Variants in CYP19A1 observed in about 807,000 individuals in gnomAD.
The protein encoded by CYP19A1 is aromatase.
CYP19A1 carries 32 observed loss-of-function variants against 44.4 expected under a neutral mutation model. That is an observed-to-expected ratio of 0.72 (90% CI 0.54 to 0.97). CYP19A1 has a LOEUF of 0.97. Ranked by LOEUF, CYP19A1 falls within the 50% of genes least tolerant of loss-of-function variation. The pLI is 0.00. For synonymous variants in CYP19A1, 212 were observed against 215.6 expected (o/e 0.98, Z 0.14); for missense variants, 598 against 637.8 (o/e 0.94, Z 0.67).
Position 51,215,106 on chromosome 15 carries a change from C to A in CYP19A1, c.985G>T (p.Glu329Ter). 1 of 1,613,960 alleles carries A rather than the reference C, an allele frequency of 6.2e-7. No homozygotes were observed. The highest frequency in any genetic ancestry group is 8.5e-7 in the Non-Finnish European group (1 of 1,179,958). The change falls in exon 8 of 10, where the codon GAA (glutamate) becomes TAA (stop). Residue 329 changes from glutamate to a stop codon, truncating the protein, a stop_gained. Transcript: ENST00000396402. LOFTEE classifies it high-confidence loss of function. ...LFLIAKHPNV[E>*]EAIIKEIQTV... ...TGGATTTCCTTTATTATTGCCTCTT[C>A]AACATTAGGGTGCTTTGCAATGAGA...
Position 51,280,273 on chromosome 15 carries a change from AT to A in CYP19A1, c.-38-37324del, listed in dbSNP as rs367881959. ...ACCATGCCCGGCTAATTTTTTTTGTATTTTTTAGTAGAGACGGGGTTTCACA... is the reference window on the plus strand; with the variant it reads ...ACCATGCCCGGCTAATTTTTTTTGTATTTTTAGTAGAGACGGGGTTTCACA... On this transcript the variant is annotated intron_variant, in intron 1 of 9. Coordinates refer to ENST00000396402, the MANE Select transcript of CYP19A1 (RefSeq NM_000103.4). 1.1e-3 allele frequency among the ~76,000 whole-genome samples: 164 copies of A among 151,224 alleles called. 1 individual carries two copies. Among genetic ancestry groups the A allele is most frequent in the Admixed American group, 3.3e-3 (50 of 15,204 alleles).
At chr15:51,290,920 T>C (rs1183295582) in intron 1 of CYP19A1, among the ~76,000 whole-genome samples, 1 of 152,192 alleles carries the variant, frequency 6.6e-6, no homozygotes, top group East Asian at 1.9e-4. Flanking sequence ...CAGAGCCCAA[T>C]GCCCAAGTAC....
At chr15:51,232,388 A>T (rs1398856637) in intron 3 of CYP19A1, among the ~76,000 whole-genome samples, 1 of 151,360 alleles carries the variant, frequency 6.6e-6, no homozygotes, top group African/African-American at 2.4e-5. Context: ...CAGACATTAC[A>T]CTTTCCTGGT....
intron 1 of CYP19A1, among the ~76,000 whole-genome samples, chr15:51,284,796 A>T (rs1281964424): frequency 6.6e-6 from 1 of 152,240 alleles, no homozygotes; most frequent in Admixed American, 6.5e-5. Flanking sequence ...GGGAAAAAGG[A>T]AAGATAATTA....
chr15:51,232,294 T>A (rs1200555145), intron 3 of CYP19A1, among the ~76,000 whole-genome samples: 18 of 152,210 alleles, frequency 1.2e-4, no homozygotes, highest in Admixed American at 1.2e-3. Flanking sequence ...TACTGAAATC[T>A]CCATGCATTC....
intron 1 of CYP19A1, among the ~76,000 whole-genome samples, chr15:51,325,335 TG>T (rs933851709): frequency 2.6e-5 from 4 of 152,122 alleles, no homozygotes; most frequent in Non-Finnish European, 5.9e-5. Context: ...CTGAGGAGTC[TG>T]GGAAGAAAGA....
intron 1 of CYP19A1, among the ~76,000 whole-genome samples, chr15:51,328,895 G>C (rs1177404085): frequency 2.0e-5 from 3 of 152,192 alleles, no homozygotes; most frequent in East Asian, 3.9e-4. Context: ...GCTGCTGCCT[G>C]ACTGGCTTCA....
intron 3 of CYP19A1, among the ~76,000 whole-genome samples, chr15:51,233,386 A>C (rs560353220): frequency 2.0e-5 from 3 of 152,312 alleles, no homozygotes; most frequent in East Asian, 3.9e-4. Context: ...TTGTTGACCT[A>C]GTGACGACAT....
chr15:51,244,804 G>C lies in CYP19A1; in HGVS notation c.-38-1854C>G, dbSNP rs200899797. On this transcript the variant is annotated intron_variant, in intron 1 of 9. Transcript: ENST00000396402. Reference sequence around the variant, plus strand: ...GGTATTTCACAACACTGAAAGCAAAGAGATAAGATGTTGCAAGCTGATGCA... The same window carrying C: ...GGTATTTCACAACACTGAAAGCAAACAGATAAGATGTTGCAAGCTGATGCA... 1.3e-4 allele frequency among the ~76,000 whole-genome samples: 20 copies of C among 152,268 alleles called. No homozygotes were observed. The East Asian group carries it at 3.9e-3, about 29-fold the overall frequency.
chr15:51,302,471 A>G (rs1178981294), intron 1 of CYP19A1, among the ~76,000 whole-genome samples: 1 of 152,226 alleles, frequency 6.6e-6, no homozygotes, highest in African/African-American at 2.4e-5. Context: ...CTCAACTTTT[A>G]GCTAATTCAA....
At chr15:51,232,475 G>A (rs1173278870) in intron 3 of CYP19A1, among the ~76,000 whole-genome samples, 6 of 152,022 alleles carry the variant, frequency 3.9e-5, no homozygotes. Context: ...GGGTCTCAAG[G>A]TTCAGTTCTC....
chr15:51,294,888 A>AG lies in CYP19A1; in HGVS notation c.-39+43606dup, dbSNP rs1370718303. Among the ~76,000 whole-genome samples the AG allele has an allele frequency of 2.0e-5, 3 of 152,128 alleles. No homozygotes were observed. In the East Asian group the frequency reaches 5.8e-4, roughly 29 times the overall value. ...GTTTTGTGGAATAGAAAAGGGGGAA[A>AG]GGTGGGGAAAAGATTGAGAAATAGG... is the stretch of plus-strand genomic sequence containing the variant. On this transcript the variant is annotated intron_variant, in intron 1 of 9. Coordinates refer to ENST00000396402, the MANE Select transcript of CYP19A1 (RefSeq NM_000103.4).
At chr15:51,262,969 C>A (rs1233283997) in intron 1 of CYP19A1, among the ~76,000 whole-genome samples, 1 of 152,084 alleles carries the variant, frequency 6.6e-6, no homozygotes, top group South Asian at 2.1e-4. Context: ...AATTTCAGTT[C>A]TGTAATGGAA....
chr15:51,335,873 C>T (rs1159974751), intron 1 of CYP19A1, among the ~76,000 whole-genome samples: 2 of 152,214 alleles, frequency 1.3e-5, no homozygotes, highest in African/African-American at 4.8e-5. Context: ...TGGTTACAGC[C>T]TCATTTCACT....
At position 51,227,855 on chromosome 15, in the gene CYP19A1, G is replaced by A. The variant is rs1160189009; in HGVS notation, c.375C>T (p.Ile125=). The change falls in exon 4 of 10, where the codon ATC becomes ATT. Residue 125 remains isoleucine, a synonymous_variant. Coordinates refer to ENST00000396402, the MANE Select transcript of CYP19A1 (RefSeq NM_000103.4). ...RFGSKLGLQC[I]GMHEKGIIFN... ...ATATGATGCCTTTCTCATGCATACC[G>A]ATGCACTGCAGCCCAAGTTTGCTGC... 6 of 1,519,310 alleles carry A rather than the reference G, an allele frequency of 3.9e-6. No individual in the cohort carries two copies. The highest frequency in any genetic ancestry group is 2.7e-5 in the African/African-American group (2 of 72,930). 94.1% of individuals were successfully genotyped at this position (1,519,310 alleles called of 1,614,324 possible).
intron 1 of CYP19A1, among the ~76,000 whole-genome samples, chr15:51,328,547 G>T (rs1019474866): frequency 6.8e-6 from 1 of 147,318 alleles, no homozygotes; most frequent in Admixed American, 6.8e-5. Flanking sequence ...ACAGGGCAGG[G>T]GTGTGTGTGT....
At chr15:51,319,156 G>A (rs182826438) in intron 1 of CYP19A1, among the ~76,000 whole-genome samples, 84 of 152,196 alleles carry the variant, frequency 5.5e-4, no homozygotes, top group Non-Finnish European at 1.1e-3. Context: ...TTCAAGCTCC[G>A]CCTAAGTGTC....
At position 51,242,933 on chromosome 15, in the gene CYP19A1, A is replaced by AG; in HGVS notation, c.-22dup. ...ACCATCTTGTGTTCCTTGACCTCAGAGGGGGCAATTTAGAGTCCTGTGGAA... is the reference window on the plus strand; with the variant it reads ...ACCATCTTGTGTTCCTTGACCTCAGAGGGGGGCAATTTAGAGTCCTGTGGAA... On this transcript the variant is annotated 5_prime_UTR_variant, in exon 2 of 10. Transcript: ENST00000396402. 6.3e-7 allele frequency: 1 copy of AG among 1,587,448 alleles called. No homozygotes were observed. Among genetic ancestry groups the AG allele is most frequent in the Non-Finnish European group, 8.7e-7 (1 of 1,155,664 alleles).
intron 1 of CYP19A1, among the ~76,000 whole-genome samples, chr15:51,263,153 T>A (rs906547303): frequency 1.1e-4 from 16 of 151,596 alleles, no homozygotes; most frequent in African/African-American, 3.9e-4. Context: ...AAAAAAAAAA[T>A]CCTCAGAAAG....
Sources: gnomAD v4.1 joint callset for allele counts (sites outside exome capture counted in the v4.1 genomes callset) on GRCh38, gnomAD v4.1.1 for gene constraint, MANE v1.5 for transcripts, NCBI Gene and HGNC (gene_info 2026-07-23, HGNC 2026-07-21) for gene names.